GALNT18: variants seen among roughly 807,000 people sequenced by gnomAD.
The protein encoded by GALNT18 is polypeptide N-acetylgalactosaminyltransferase 18, also known as GalNAc-transferase 18.
In GALNT18, 44 loss-of-function variants were observed where a neutral mutation model predicts 69.5. The observed-to-expected ratio is 0.63, with a 90% CI of 0.50 to 0.81. GALNT18 has a LOEUF of 0.81. Ranked by LOEUF, GALNT18 falls within the 40% of genes least tolerant of loss-of-function variation. The pLI, the probability that GALNT18 is intolerant of heterozygous loss-of-function variation, is 0.00. For synonymous variants in GALNT18, 364 were observed against 318.2 expected (o/e 1.14, Z -1.53); for missense variants, 715 against 810.0 (o/e 0.88, Z 1.42).
chr11:11,462,182 C>T (rs973758187), intron 1 of GALNT18, among the ~76,000 whole-genome samples: 6 of 152,118 alleles, frequency 3.9e-5, no homozygotes, highest in Non-Finnish European at 8.8e-5. Flanking sequence ...TGCCGGTCCA[C>T]GGTCCCCACT....
At chr11:11,419,855 C>A (rs781161069) in intron 3 of GALNT18, among the ~76,000 whole-genome samples, 3 of 152,060 alleles carry the variant, frequency 2.0e-5, no homozygotes, top group Non-Finnish European at 4.4e-5. Context: ...GCACAGTCTG[C>A]ATCTGTGCCA....
chr11:11,506,695 C>T (rs140810954), intron 1 of GALNT18, among the ~76,000 whole-genome samples: 60 of 152,304 alleles, frequency 3.9e-4, no homozygotes, highest in African/African-American at 1.4e-3. Context: ...AAAGTGAAGG[C>T]ATGTGAAATA....
rs1213428296 is a variant in GALNT18, at chr11:11,584,313, A to G, written c.235+37046T>C. 6.6e-6 allele frequency among the ~76,000 whole-genome samples: 1 copy of G among 152,194 alleles called. No individual in the cohort carries two copies. The highest frequency in any genetic ancestry group is 1.5e-5 in the Non-Finnish European group (1 of 68,032). On this transcript the variant is annotated intron_variant, in intron 1 of 10. Transcript: ENST00000227756. This position sits in a 1 kb window ranked among gnomAD's most constrained non-coding sequence, Gnocchi z 4.1. ...CAGGGAAGAAGAAAAATAAATAAAT[A>G]ACACCTTGCAAACACAAGGGGACAG...
At chr11:11,428,808 C>G (rs936220617) in intron 3 of GALNT18, among the ~76,000 whole-genome samples, 2 of 152,100 alleles carry the variant, frequency 1.3e-5, no homozygotes, top group East Asian at 3.9e-4. Flanking sequence ...TTGAATTGAA[C>G]AGAATATAAT....
In GALNT18 at chr11:11,314,618, G is replaced by C. The variant is rs915448406; in HGVS notation, c.1512+12468C>G. Among the ~76,000 whole-genome samples the C allele has an allele frequency of 3.3e-5, 5 of 152,160 alleles. No homozygotes were observed. The highest frequency in any genetic ancestry group is 1.2e-4 in the African/African-American group (5 of 41,430). On this transcript the variant is annotated intron_variant, in intron 9 of 10. Transcript: ENST00000227756. The surrounding 1 kb of genome is among the most constrained non-coding windows in gnomAD (Gnocchi z 5.2). ...GGAAATAAGGTTCTTTCTAAAAGCA[G>C]GGTGGGAAGCTGGCTGGGTGCTCAC...
At chr11:11,325,054 A>G (rs1849895974) in intron 9 of GALNT18, among the ~76,000 whole-genome samples, 1 of 152,266 alleles carries the variant, frequency 6.6e-6, no homozygotes, top group Non-Finnish European at 1.5e-5. Flanking sequence ...ATGCATGCAC[A>G]TGCATGTTTA....
chr11:11,525,465 C>G (rs552703558), intron 1 of GALNT18, among the ~76,000 whole-genome samples: 1 of 151,872 alleles, frequency 6.6e-6, no homozygotes, highest in South Asian at 2.1e-4. Flanking sequence ...GTGGCGAAAT[C>G]GGTAAGACTT....
At chr11:11,298,719 C>T (rs1343724007) in intron 9 of GALNT18, among the ~76,000 whole-genome samples, 2 of 152,220 alleles carry the variant, frequency 1.3e-5, no homozygotes, top group Non-Finnish European at 2.9e-5. Flanking sequence ...GCCCCTCTCC[C>T]AGCCCCATCA....
intron 1 of GALNT18, among the ~76,000 whole-genome samples, chr11:11,547,055 T>C (rs909746110): frequency 2.0e-5 from 3 of 152,076 alleles, no homozygotes; most frequent in Non-Finnish European, 4.4e-5. Flanking sequence ...ATATGAAGGA[T>C]GAAAATAATA....
intron 9 of GALNT18, among the ~76,000 whole-genome samples, chr11:11,312,240 C>T (rs1038084001): frequency 3.3e-5 from 5 of 152,162 alleles, no homozygotes; most frequent in African/African-American, 7.2e-5. Context: ...TGAGCCACCA[C>T]GCCCGGCCCA....
chr11:11,488,939 C>A (rs1358838220), intron 1 of GALNT18, among the ~76,000 whole-genome samples: 1 of 152,204 alleles, frequency 6.6e-6, no homozygotes, highest in South Asian at 2.1e-4. Context: ...CAAACATGAC[C>A]TTGCCCTTGA....
rs1406583014 is a variant in GALNT18 at position 11,590,310 on chromosome 11, G to A, written c.235+31049C>T. ...CCCGTATCTGCCGATTGCATGCAAG[G>A]GGTCACGCAGAAAGCGACAGGGCCC... On this transcript the variant is annotated intron_variant, in intron 1 of 10. Transcript: ENST00000227756. The surrounding 1 kb of genome is among the most constrained non-coding windows in gnomAD (Gnocchi z 4.4). Among the ~76,000 whole-genome samples, 1 of 152,220 alleles carries A rather than the reference G, an allele frequency of 6.6e-6. No homozygotes were observed. The highest frequency in any genetic ancestry group is 2.4e-5 in the African/African-American group (1 of 41,462).
At chr11:11,273,876 ACT>A (rs199959771) in intron 10 of GALNT18, among the ~76,000 whole-genome samples, 1,843 of 152,072 alleles carry the variant, frequency 0.012, 68 homozygotes, top group Admixed American at 0.069. Flanking sequence ...AAATAATGAG[ACT>A]CTGGTTTCAC....
intron 1 of GALNT18, among the ~76,000 whole-genome samples, chr11:11,537,910 A>T (rs1857821785): frequency 6.6e-6 from 1 of 152,118 alleles, no homozygotes; most frequent in Non-Finnish European, 1.5e-5. Flanking sequence ...GGGAAATATG[A>T]CCTGGCCTCC....
chr11:11,488,379 G>A (rs916673217), intron 1 of GALNT18, among the ~76,000 whole-genome samples: 14 of 151,772 alleles, frequency 9.2e-5, no homozygotes, highest in Admixed American at 3.3e-4. Flanking sequence ...AATCCTTCTC[G>A]CATTGAATCA....
Position 11,340,557 on chromosome 11 carries a change from C to T in GALNT18, c.1278+262G>A, listed in dbSNP as rs1850185938. Among the ~76,000 whole-genome samples the T allele has an allele frequency of 1.3e-5, 2 of 152,224 alleles. No homozygotes were observed. The highest frequency in any genetic ancestry group is 4.8e-5 in the African/African-American group (2 of 41,460). On this transcript the variant is annotated intron_variant, in intron 7 of 10. Transcript: ENST00000227756. This position sits in a 1 kb window ranked among gnomAD's most constrained non-coding sequence, Gnocchi z 4.2. ...ACTTGAGCTACCTGTCCAACTTTCT[C>T]ATTTAAAATTAGGACACTAAGATCC...
At chr11:11,462,609 C>T (rs1464664651) in intron 1 of GALNT18, among the ~76,000 whole-genome samples, 1 of 152,096 alleles carries the variant, frequency 6.6e-6, no homozygotes, top group African/African-American at 2.4e-5. Flanking sequence ...TTTCTTTAGG[C>T]TGCCCTTTTC....
rs990375042 is a variant in GALNT18 at position 11,583,705 on chromosome 11, CATACGTGGTCAGG to C, written c.235+37641_235+37653del. 2.6e-5 allele frequency among the ~76,000 whole-genome samples: 4 copies of C among 152,126 alleles called. No individual in the cohort carries two copies. Among genetic ancestry groups the C allele is most frequent in the African/African-American group, 9.7e-5 (4 of 41,424 alleles). ...CAAGATATTTCCAAAGCCCTGACCA[CATACGTGGTCAGG>C]GAAAATGCTTAAAGCTTCAGCTCCT... On this transcript the variant is annotated intron_variant, in intron 1 of 10. Transcript: ENST00000227756. This position sits in a 1 kb window ranked among gnomAD's most constrained non-coding sequence, Gnocchi z 4.7.
In GALNT18 at chr11:11,293,086, G is replaced by A. The variant is rs1266543651; in HGVS notation, c.1620C>T (p.Leu540=). The change falls in exon 10 of 11, where the codon CTC becomes CTT. Residue 540 remains leucine (L), a synonymous_variant. Transcript: ENST00000227756. ...TGGCTTTGGCGTAGCTGCATTCGAT[G>A]AGCCGGGGCCGGCTGTTGACGTCCA... The part of the protein sequence containing the change: ...CLVDVNSRPR[L]IECSYAKAKR... The A allele has an allele frequency of 1.4e-6, 2 of 1,386,104 alleles. No homozygotes were observed. Among genetic ancestry groups the A allele is most frequent in the Non-Finnish European group, 1.9e-6 (2 of 1,061,248 alleles). 85.9% of individuals were successfully genotyped at this position (1,386,104 alleles called of 1,614,324 possible). A position where few individuals can be genotyped will look rare whatever the true frequency, so the allele number is the denominator to read the frequency against.
Sources: allele counts gnomAD v4.1 joint callset (sites outside exome capture counted in the v4.1 genomes callset), GRCh38; gene constraint gnomAD v4.1.1; non-coding constraint Gnocchi (gnomAD v3.1); transcripts MANE v1.5; gene names NCBI Gene and HGNC (gene_info 2026-07-23, HGNC 2026-07-21).